Variants in RERE observed in about 807,000 individuals in gnomAD.
RERE encodes arginine-glutamic acid dipeptide repeats.
RERE carries 40 observed loss-of-function variants against 146.1 expected under a neutral mutation model. That is an observed-to-expected ratio of 0.27 (90% CI 0.21 to 0.36). The LOEUF is 0.36. Ranked by LOEUF, RERE falls within the 10% of genes least tolerant of loss-of-function variation. The probability of loss-of-function intolerance (pLI) is 1.00; values close to 1 mark genes in which losing one functional copy is unlikely to be tolerated. For synonymous variants in RERE, 1,003 were observed against 866.0 expected, an observed-to-expected ratio of 1.16 and a Z score of -2.78; for missense variants, 1,933 against 2,138.7, an observed-to-expected ratio of 0.90 and a Z score of 1.90.
chr1:8,485,043 G>C (rs1409656519), intron 10 of RERE, among the ~76,000 whole-genome samples: 1 of 152,174 alleles, frequency 6.6e-6, no homozygotes, highest in Admixed American at 6.5e-5. Context: ...AACTACCTCT[G>C]TGATTCTTCA....
At chr1:8,751,712 C>A (rs1198735168) in intron 1 of RERE, among the ~76,000 whole-genome samples, 2 of 151,798 alleles carry the variant, frequency 1.3e-5, no homozygotes, top group Admixed American at 1.3e-4. Flanking sequence ...CAGAGAAGCC[C>A]TTCCTTTGCA....
chr1:8,571,843 C>T (rs959735864), intron 4 of RERE, among the ~76,000 whole-genome samples: 1 of 152,118 alleles, frequency 6.6e-6, no homozygotes, highest in Non-Finnish European at 1.5e-5. Flanking sequence ...TCCAAATAAT[C>T]GATCAGTGTA....
At chr1:8,382,981 C>A (rs1304635147) in intron 12 of RERE, among the ~76,000 whole-genome samples, 7 of 148,436 alleles carry the variant, frequency 4.7e-5, no homozygotes, top group Non-Finnish European at 1.0e-4. Context: ...GAACTAAGTT[C>A]ACCTTAAAGG....
At chr1:8,624,890 CAA>C (rs1398362118) in intron 2 of RERE, among the ~76,000 whole-genome samples, 1 of 152,120 alleles carries the variant, frequency 6.6e-6, no homozygotes, top group Non-Finnish European at 1.5e-5. Flanking sequence ...TTCAACTAAT[CAA>C]AAAGAGAAAG....
intron 1 of RERE, among the ~76,000 whole-genome samples, chr1:8,750,020 C>T (rs1239183199): frequency 7.2e-5 from 11 of 151,806 alleles, no homozygotes; most frequent in Admixed American, 3.9e-4. Flanking sequence ...GGCGTGGTGG[C>T]GGGCACCTGT....
intron 1 of RERE, chr1:8,753,487 CTTCT>C (rs1640578619): frequency 6.6e-6 from 1 of 151,974 alleles, no homozygotes; most frequent in Non-Finnish European, 1.5e-5. Context: ...AGAAGTTTGC[CTTCT>C]ATTTGACGGA....
intron 10 of RERE, among the ~76,000 whole-genome samples, chr1:8,473,977 C>T (rs558982769): frequency 1.1e-4 from 16 of 152,260 alleles, no homozygotes; most frequent in African/African-American, 3.4e-4. Context: ...CTTACTACAG[C>T]CTCTGACCTC....
chr1:8,416,803 A>C (rs1643787128), intron 12 of RERE, among the ~76,000 whole-genome samples: 1 of 152,192 alleles, frequency 6.6e-6, no homozygotes, highest in East Asian at 1.9e-4. Context: ...AGTCTGCATT[A>C]CTGTAAATAG....
chr1:8,448,469 A>G (rs1392211597), intron 11 of RERE, among the ~76,000 whole-genome samples: 1 of 151,308 alleles, frequency 6.6e-6, no homozygotes, highest in African/African-American at 2.4e-5. Context: ...AAAAGGGGGA[A>G]AAAAAAAGGC....
chr1:8,597,603 C>A (rs1646570579), intron 4 of RERE, among the ~76,000 whole-genome samples: 1 of 152,108 alleles, frequency 6.6e-6, no homozygotes, highest in South Asian at 2.1e-4. Context: ...TGCTAAGAAC[C>A]CCCTGTCCTG....
intron 10 of RERE, among the ~76,000 whole-genome samples, chr1:8,491,457 C>T (rs1164129089): frequency 6.6e-6 from 1 of 150,832 alleles, no homozygotes; most frequent in African/African-American, 2.4e-5. Flanking sequence ...AAAAACAAAA[C>T]AAAACAAGAA....
chr1:8,713,005 A>T (rs1639698359), intron 1 of RERE, among the ~76,000 whole-genome samples: 1 of 152,210 alleles, frequency 6.6e-6, no homozygotes, highest in South Asian at 2.1e-4. Flanking sequence ...GTCCCTAGGG[A>T]AAAGGCCAAA....
chr1:8,601,180 C>T (rs1342879886), intron 4 of RERE, among the ~76,000 whole-genome samples: 3 of 151,782 alleles, frequency 2.0e-5, no homozygotes, highest in African/African-American at 2.4e-5. Flanking sequence ...CCACCATGCC[C>T]GGCTGTTTTG....
Position 8,430,777 on chromosome 1 carries a change from C to G in RERE, c.1204-7970G>C, listed in dbSNP as rs376269224. Reference sequence around the variant, plus strand: ...ATGCTAATTGCCACAGTACACTCTCCAAGGTAAGTGTAACCGGGCCCATTC... The same window carrying G: ...ATGCTAATTGCCACAGTACACTCTCGAAGGTAAGTGTAACCGGGCCCATTC... On this transcript the variant is annotated intron_variant, in intron 11 of 22. Transcript: ENST00000400908. 1.5e-4 allele frequency among the ~76,000 whole-genome samples: 23 copies of G among 152,268 alleles called. No homozygotes were observed. The East Asian group carries it at 3.7e-3, about 24-fold the overall frequency.
intron 7 of RERE, among the ~76,000 whole-genome samples, chr1:8,524,097 A>G (rs1450568490): frequency 6.6e-6 from 1 of 152,196 alleles, no homozygotes; most frequent in Admixed American, 6.5e-5. Flanking sequence ...AGCAGGAAGG[A>G]AGAGCAATGG....
chr1:8,418,455 A>C lies in RERE; in HGVS notation c.1284+4272T>G, dbSNP rs866822557. 2.6e-5 allele frequency among the ~76,000 whole-genome samples: 4 copies of C among 152,274 alleles called. 1 individual carries two copies. The highest frequency in any genetic ancestry group is 3.4e-3 in the Middle Eastern group (1 of 294). On this transcript the variant is annotated intron_variant, in intron 12 of 22. Coordinates refer to ENST00000400908, the MANE Select transcript of RERE (RefSeq NM_001042681.2). ...CTGGGGTAGATCACATTGTCTTCTC[A>C]CCAATCTTAGTTGCACCAGAGACAA...
rs1039198523 is a variant in RERE, at chr1:8,505,764, G to A, written c.879+2863C>T. Among the ~76,000 whole-genome samples, 10 of 152,240 alleles carry A rather than the reference G, an allele frequency of 6.6e-5. 1 individual carries two copies. Among genetic ancestry groups the A allele is most frequent in the East Asian group, 1.9e-4 (1 of 5,184 alleles). ...CAGGCTGGTCTCGAATTCCTGAGCTGAAATGATCTACCCACCTTGGCCTCC... is the reference window on the plus strand; with the variant it reads ...CAGGCTGGTCTCGAATTCCTGAGCTAAAATGATCTACCCACCTTGGCCTCC... On this transcript the variant is annotated intron_variant, in intron 8 of 22. Coordinates refer to ENST00000400908, the MANE Select transcript of RERE (RefSeq NM_001042681.2).
chr1:8,407,313 A>C (rs1643474249), intron 12 of RERE, among the ~76,000 whole-genome samples: 1 of 152,174 alleles, frequency 6.6e-6, no homozygotes, highest in Non-Finnish European at 1.5e-5. Context: ...AGATTCCAGG[A>C]CACCGATGAA....
At chr1:8,578,924 A>G (rs1646329372) in intron 4 of RERE, among the ~76,000 whole-genome samples, 1 of 152,244 alleles carries the variant, frequency 6.6e-6, no homozygotes, top group Admixed American at 6.5e-5. Context: ...CAAAGAAGTT[A>G]TGTTAATATC....
Sources: gnomAD v4.1 joint callset for allele counts (sites outside exome capture counted in the v4.1 genomes callset) on GRCh38, gnomAD v4.1.1 for gene constraint, MANE v1.5 for transcripts, NCBI Gene and HGNC (gene_info 2026-07-23, HGNC 2026-07-21) for gene names.